Variants in WNT7A observed in about 807,000 individuals in gnomAD.
The protein encoded by WNT7A is Wnt family member 7A.
In WNT7A, 16 loss-of-function variants were observed where a neutral mutation model predicts 28.2. The observed-to-expected ratio is 0.57, with a 90% CI of 0.38 to 0.86. WNT7A has a LOEUF of 0.86. Ranked by LOEUF, WNT7A falls within the 40% of genes least tolerant of loss-of-function variation. WNT7A has a pLI of 0.00. For missense variants in WNT7A, 411 were observed against 489.7 expected, an observed-to-expected ratio of 0.84 and a Z score of 1.52; for synonymous variants, 190 against 195.9, an observed-to-expected ratio of 0.97 and a Z score of 0.25.
intron 3 of WNT7A, among the ~76,000 whole-genome samples, chr3:13,835,636 T>C (rs17038684): frequency 0.18 from 27,336 of 152,180 alleles, 3,105 homozygotes; most frequent in African/African-American, 0.32. Context: ...ACCCCAAAGA[T>C]GGTGGACTTC....
chr3:13,837,706 C>T (rs17038695), intron 3 of WNT7A, among the ~76,000 whole-genome samples: 21,055 of 152,166 alleles, frequency 0.14, 1,861 homozygotes, highest in African/African-American at 0.24. Context: ...GGCGACGATG[C>T]TCTGGAACAT....
At chr3:13,841,612 T>C (rs1694457745) in intron 3 of WNT7A, among the ~76,000 whole-genome samples, 1 of 152,154 alleles carries the variant, frequency 6.6e-6, no homozygotes, top group African/African-American at 2.4e-5. Context: ...GCTGTACAGG[T>C]ATAAAATATT....
intron 3 of WNT7A, among the ~76,000 whole-genome samples, chr3:13,850,634 C>T (rs1694617824): frequency 6.6e-6 from 1 of 152,132 alleles, no homozygotes; most frequent in South Asian, 2.1e-4. Flanking sequence ...GCTGCCTCTC[C>T]TGGGCTCAGT....
intron 3 of WNT7A, among the ~76,000 whole-genome samples, chr3:13,836,169 A>G (rs375243949): frequency 1.3e-5 from 2 of 150,610 alleles, no homozygotes; most frequent in South Asian, 4.3e-4. Context: ...ATTGTATGGC[A>G]TGAGAATTAT....
intron 3 of WNT7A, among the ~76,000 whole-genome samples, chr3:13,825,953 G>A (rs1027685846): frequency 1.3e-5 from 2 of 152,154 alleles, no homozygotes; most frequent in Admixed American, 6.5e-5. Context: ...CACACTCCTC[G>A]GGCCAGGTCA....
chr3:13,819,444 G>A, intron 3 of WNT7A, 21 bp from the exon 4 acceptor site: 1 of 1,609,254 alleles, frequency 6.2e-7, no homozygotes, highest in Non-Finnish European at 8.5e-7. Flanking sequence ...GGGCGGGGAA[G>A]AGCACAGCAC....
At chr3:13,858,856 T>C (rs1367752776) in intron 2 of WNT7A, among the ~76,000 whole-genome samples, 1 of 152,078 alleles carries the variant, frequency 6.6e-6, no homozygotes, top group Non-Finnish European at 1.5e-5. Flanking sequence ...CACATTAGAC[T>C]GGGATGATCC....
At chr3:13,852,745 G>T (rs4479574) in intron 3 of WNT7A, among the ~76,000 whole-genome samples, 35,354 of 152,048 alleles carry the variant, frequency 0.23, 4,471 homozygotes, top group Middle Eastern at 0.3. Flanking sequence ...CCACAGGTCA[G>T]CTGGTACCCT....
intron 2 of WNT7A, among the ~76,000 whole-genome samples, chr3:13,858,248 A>G (rs1037912846): frequency 6.6e-6 from 1 of 152,162 alleles, no homozygotes; most frequent in Non-Finnish European, 1.5e-5. Context: ...TTATCAGACC[A>G]AGAATGGAGT....
At chr3:13,854,425 G>T in intron 3 of WNT7A, 107 bp downstream of exon 3, 1 of 1,573,280 alleles carries the variant, frequency 6.4e-7, no homozygotes, top group Non-Finnish European at 8.7e-7. Context: ...GAGGCTGAGG[G>T]CAGAGCCCTG....
chr3:13,846,181 G>T (rs923369156), intron 3 of WNT7A, among the ~76,000 whole-genome samples: 2 of 152,270 alleles, frequency 1.3e-5, no homozygotes, highest in Non-Finnish European at 2.9e-5. Flanking sequence ...ACGTGTGCGT[G>T]CCTGGATAAC....
intron 2 of WNT7A, 115 bp from the exon 3 acceptor site, chr3:13,854,918 G>A (rs992028620): frequency 5.0e-6 from 7 of 1,397,808 alleles, no homozygotes; most frequent in South Asian, 3.6e-5. Context: ...TCCAAAGCTC[G>A]ACTGAGTACC....
chr3:13,833,421 G>C (rs1027315439), intron 3 of WNT7A, among the ~76,000 whole-genome samples: 4 of 152,216 alleles, frequency 2.6e-5, no homozygotes, highest in African/African-American at 9.7e-5. Flanking sequence ...GTGGTGGCTA[G>C]CAGATGGACC....
At chr3:13,825,226 T>G (rs1321258561) in intron 3 of WNT7A, among the ~76,000 whole-genome samples, 1 of 152,198 alleles carries the variant, frequency 6.6e-6, no homozygotes, top group Non-Finnish European at 1.5e-5. Context: ...TTGTAGTGTT[T>G]GAATATTCTG....
chr3:13,831,181 G>A (rs1316033583), intron 3 of WNT7A, among the ~76,000 whole-genome samples: 4 of 152,166 alleles, frequency 2.6e-5, no homozygotes, highest in South Asian at 2.1e-4. Context: ...TTCTTCCTAC[G>A]TGTATGCCCA....
intron 3 of WNT7A, among the ~76,000 whole-genome samples, chr3:13,834,595 G>A (rs1158222252): frequency 6.6e-6 from 1 of 152,074 alleles, no homozygotes; most frequent in Admixed American, 6.5e-5. Context: ...GTTCCTTGCT[G>A]TTCCTCCAGC....
intron 3 of WNT7A, among the ~76,000 whole-genome samples, chr3:13,829,582 G>A (rs1281800540): frequency 2.6e-5 from 4 of 152,194 alleles, no homozygotes; most frequent in Admixed American, 6.5e-5. Flanking sequence ...ATCGGATGGA[G>A]GTCCTGCTTC....
Position 13,818,777 on chromosome 3 carries a change from C to A in WNT7A, c.*167G>T. 9.3e-7 allele frequency: 1 copy of A among 1,080,494 alleles called. No homozygotes were observed. The highest frequency in any genetic ancestry group is 1.3e-6 in the Non-Finnish European group (1 of 780,458). The allele number at this position is 1,080,494 out of a possible 1,614,324, so 66.9% of individuals were successfully genotyped here. On this transcript the variant is annotated 3_prime_UTR_variant, in exon 4 of 4. Transcript: ENST00000285018. Reference sequence around the variant, plus strand: ...GTGTGGAACAGAATAGTTGAGGGCTCTGAGAGATTTTTTTTCCCCCACGGA... The same window carrying A: ...GTGTGGAACAGAATAGTTGAGGGCTATGAGAGATTTTTTTTCCCCCACGGA...
chr3:13,843,171 T>C (rs1694488921), intron 3 of WNT7A, among the ~76,000 whole-genome samples: 3 of 152,226 alleles, frequency 2.0e-5, no homozygotes, highest in Admixed American at 2.0e-4. Flanking sequence ...AACAGAGTTT[T>C]AGAGCTAGAA....
Sources: gnomAD v4.1 joint callset for allele counts (sites outside exome capture counted in the v4.1 genomes callset) on GRCh38, gnomAD v4.1.1 for gene constraint, MANE v1.5 for transcripts, NCBI Gene and HGNC (gene_info 2026-07-23, HGNC 2026-07-21) for gene names.